Variants in CDH23 observed in about 807,000 individuals in gnomAD.
CDH23 encodes cadherin related 23.
A neutral mutation model predicts 317.1 loss-of-function variants in CDH23; 189 were observed. The observed-to-expected ratio is 0.60, with a 90% CI of 0.53 to 0.67. The LOEUF is 0.67. Among genes scored for constraint, CDH23 ranks in the 30% least tolerant of loss-of-function variants. The pLI, the probability that CDH23 is intolerant of heterozygous loss-of-function variation, is 0.00. For synonymous variants in CDH23, 1,839 were observed against 1,876.8 expected, an observed-to-expected ratio of 0.98 and a Z score of 0.52; for missense variants, 4,401 against 4,592.4, an observed-to-expected ratio of 0.96 and a Z score of 1.20.
Position 71,452,142 on chromosome 10 carries a change from C to T in CDH23, c.145+5747C>T, listed in dbSNP as rs111906578. On this transcript the variant is annotated intron_variant, in intron 3 of 69. Transcript: ENST00000224721. ...CCTGAGCTGTATGTAGAATATTTGC[C>T]GGGGACCTTGGGGCCCTGAGCCATG... 6.3e-4 allele frequency among the ~76,000 whole-genome samples: 96 copies of T among 152,252 alleles called. 1 individual carries two copies. Among genetic ancestry groups the T allele is most frequent in the African/African-American group, 2.1e-3 (89 of 41,542 alleles).
intron 28 of CDH23, chr10:71,713,470 C>G: frequency 1.7e-6 from 1 of 583,316 alleles, no homozygotes; most frequent in East Asian, 2.9e-5. Flanking sequence ...CCCACTGGGG[C>G]AGGCTCCCGG....
chr10:71,810,088 G>T lies in CDH23; in HGVS notation c.8979+12G>T. On this transcript the variant is annotated intron_variant, in intron 61 of 69. Transcript: ENST00000224721. ...CTGACAATGTGCAGGTGCCTCATGG[G>T]CCCACCCGGGGCCGGGGCAGTGGAG... The T allele has an allele frequency of 6.2e-7, 1 of 1,609,274 alleles. No homozygotes were observed. The highest frequency in any genetic ancestry group is 8.5e-7 in the Non-Finnish European group (1 of 1,177,262).
At chr10:71,643,131 A>AGATGTAGT (rs1862644443) in intron 11 of CDH23, among the ~76,000 whole-genome samples, 1 of 152,226 alleles carries the variant, frequency 6.6e-6, no homozygotes, top group Non-Finnish European at 1.5e-5. Flanking sequence ...CCAATCACCA[A>AGATGTAGT]GATGTAGTTC....
chr10:71,779,535 G>T, intron 41 of CDH23, 88 bp downstream of exon 41: 1 of 1,157,070 alleles, frequency 8.6e-7, no homozygotes, highest in African/African-American at 1.5e-5. Context: ...CAAGGCATTT[G>T]GCCTCACCAT....
rs966344007 is a variant in CDH23 at position 71,784,516 on chromosome 10, G to C, written c.5502+96G>C. Reference sequence around the variant, plus strand: ...CATTGTTACCCTTGTGCCAAGAGAGGCCACAGGCTGCCCTGGAGCCAGGCC... The same window carrying C: ...CATTGTTACCCTTGTGCCAAGAGAGCCCACAGGCTGCCCTGGAGCCAGGCC... On this transcript the variant is annotated intron_variant, in intron 42 of 69. Coordinates refer to ENST00000224721, the MANE Select transcript of CDH23 (RefSeq NM_022124.6). The C allele has an allele frequency of 2.0e-6, 3 of 1,497,316 alleles. No homozygotes were observed. The African/African-American group carries it at 4.2e-5, about 21-fold the overall frequency. 92.8% of individuals were successfully genotyped at this position (1,497,316 alleles called of 1,614,324 possible). A position where few individuals can be genotyped will look rare whatever the true frequency, so the allele number is the denominator to read the frequency against.
Position 71,793,473 on chromosome 10 carries a change from G to A in CDH23, c.6545G>A (p.Ser2182Asn), listed in dbSNP as rs1408064016. Residue 2182 changes from serine (S) to asparagine (N), a missense_variant, in exon 48 of 70, where the codon AGC (serine) becomes AAC (asparagine). This residue lies in a region of CDH23 where 3,068 missense variants were observed against 3,203.3 expected (regional missense o/e 0.96). Coordinates refer to ENST00000224721, the MANE Select transcript of CDH23 (RefSeq NM_022124.6). The part of the protein sequence containing the change: ...PEFLNPIQTV[S>N]VLESAEPGTV... ...TTCCTCAACCCCATCCAGACAGTGA[G>A]CGTGCTGGAGTCGGCTGAGCCAGGC... The A allele has an allele frequency of 1.2e-6, 2 of 1,613,898 alleles. No homozygotes were observed. Among genetic ancestry groups the A allele is most frequent in the East Asian group, 2.2e-5 (1 of 44,900 alleles).
At chr10:71,510,281 G>T in intron 4 of CDH23, 57 bp downstream of exon 4, 1 of 1,582,378 alleles carries the variant, frequency 6.3e-7, no homozygotes. Context: ...AGGAGACACT[G>T]GGGGAAGGAC....
intron 28 of CDH23, chr10:71,713,123 G>A (rs1294929480): frequency 1.3e-6 from 1 of 776,984 alleles, no homozygotes; most frequent in East Asian, 2.4e-5. Context: ...GGGAGAAAGA[G>A]ACGTCACAAT....
intron 3 of CDH23, among the ~76,000 whole-genome samples, chr10:71,460,280 C>T (rs924947196): frequency 3.3e-5 from 5 of 152,228 alleles, no homozygotes; most frequent in Non-Finnish European, 5.9e-5. Flanking sequence ...CTTCATAACA[C>T]GGTGGACAGG....
intron 32 of CDH23, 22 bp downstream of exon 32, chr10:71,732,397 G>A (rs727502926): frequency 1.9e-6 from 3 of 1,552,980 alleles, no homozygotes; most frequent in South Asian, 1.2e-5. Context: ...GGGGCAGGGA[G>A]CACCATTTCT....
chr10:71,462,023 G>A (rs966305623), intron 3 of CDH23, among the ~76,000 whole-genome samples: 5 of 152,220 alleles, frequency 3.3e-5, no homozygotes, highest in African/African-American at 7.2e-5. Flanking sequence ...TCCTGGCAGC[G>A]CCTGCCCTTT....
Position 71,591,294 on chromosome 10 carries a change from T to C in CDH23, c.832+13302T>C, listed in dbSNP as rs1859478019. Among the ~76,000 whole-genome samples, 4 of 152,110 alleles carry C rather than the reference T, an allele frequency of 2.6e-5. No homozygotes were observed. In the East Asian group the frequency reaches 7.7e-4, roughly 29 times the overall value. ...AGTGGTGCATGGATGGGGCGTGAAA[T>C]AACATTGAATCACACAAAGAGACGG... On this transcript the variant is annotated intron_variant, in intron 9 of 69. Transcript: ENST00000224721.
At chr10:71,559,753 C>A (rs553626075) in intron 6 of CDH23, among the ~76,000 whole-genome samples, 2 of 152,336 alleles carry the variant, frequency 1.3e-5, no homozygotes, top group East Asian at 3.9e-4. Context: ...TGGCAGCCCA[C>A]CCCGGCTCTC....
chr10:71,799,776 A>C, intron 52 of CDH23, 147 bp downstream of exon 52: 1 of 1,074,300 alleles, frequency 9.3e-7, no homozygotes, highest in Non-Finnish European at 1.3e-6. Flanking sequence ...CAAGTCAGCA[A>C]ACCCTGTTCT....
At chr10:71,603,808 A>G in intron 9 of CDH23, among the ~76,000 whole-genome samples, 1 of 152,244 alleles carries the variant, frequency 6.6e-6, no homozygotes, top group Non-Finnish European at 1.5e-5. Flanking sequence ...GTATCCTTGG[A>G]CATGTCACTT....
Position 71,732,088 on chromosome 10 carries a change from T to C in CDH23, c.3817T>C (p.Tyr1273His). 6.2e-7 allele frequency: 1 copy of C among 1,614,032 alleles called. No homozygotes were observed. Among genetic ancestry groups the C allele is most frequent in the African/African-American group, 1.3e-5 (1 of 75,052 alleles). Residue 1273 changes from tyrosine to histidine, a missense_variant, in exon 32 of 70, where the codon TAC becomes CAC. Physicochemically the swap from Tyr to His is moderately conservative, Grantham distance 83 (BLOSUM62 2). Coordinates refer to ENST00000224721, the MANE Select transcript of CDH23 (RefSeq NM_022124.6). The part of the protein sequence containing the change: ...GLIITVNYLD[Y>H]ETKTSYMMNV... ...TATCATCACCGTGAATTACCTGGAC[T>C]ACGAGACCAAGACCAGCTACATGAT...
At position 71,791,330 on chromosome 10, in the gene CDH23, C is replaced by T. The variant is rs752271639; in HGVS notation, c.6248C>T (p.Pro2083Leu). The stretch of plus-strand genomic sequence containing the variant: ...ACTGTCCATCTGCTAGAGAACTGCC[C>T]GCCTGGTAAGCAGGGGACAGGCCCC... Reference protein sequence around the residue: ...TLTVHLLENCPPGFSVLQVTA... With the variant: ...TLTVHLLENCLPGFSVLQVTA... The change falls in exon 47 of 70, where the codon CCG becomes CTG. Residue 2083 changes from proline (P) to leucine (L), a missense_variant. Pro to Leu is a moderately conservative substitution (Grantham distance 98). Coordinates refer to ENST00000224721, the MANE Select transcript of CDH23 (RefSeq NM_022124.6). The T allele has an allele frequency of 3.5e-5, 57 of 1,613,026 alleles. 1 individual carries two copies. The highest frequency in any genetic ancestry group is 1.2e-4 in the Admixed American group (7 of 59,924).
chr10:71,477,456 AC>A (rs1042698017), intron 3 of CDH23, among the ~76,000 whole-genome samples: 5 of 152,168 alleles, frequency 3.3e-5, no homozygotes, highest in Non-Finnish European at 5.9e-5. Context: ...GGCGTGAGCC[AC>A]CGCGCCCAGC....
chr10:71,538,219 A>G (rs997377572), intron 6 of CDH23, among the ~76,000 whole-genome samples: 1 of 152,150 alleles, frequency 6.6e-6, no homozygotes, highest in Non-Finnish European at 1.5e-5. Context: ...TTTCCGATAC[A>G]CTAGGGGTTG....
Sources: gnomAD v4.1 joint callset for allele counts (sites outside exome capture counted in the v4.1 genomes callset) on GRCh38, gnomAD v4.1.1 for gene constraint, gnomAD v4.1.1 regional missense constraint, MANE v1.5 for transcripts, NCBI Gene and HGNC (gene_info 2026-07-23, HGNC 2026-07-21) for gene names.